Variants in GALNT14 observed in about 807,000 individuals in gnomAD.
GALNT14 encodes the protein UDP-GalNAc:polypeptide N-acetylgalactosaminyltransferase 14.
Under a neutral mutation model 77.5 loss-of-function variants are expected in GALNT14, and 60 were observed. That is an observed-to-expected ratio of 0.77 (90% CI 0.63 to 0.96). The LOEUF is 0.96. Ranked by LOEUF, GALNT14 falls within the 40% of genes least tolerant of loss-of-function variation. The pLI is 0.00. For missense variants in GALNT14, 710 were observed against 731.0 expected, an observed-to-expected ratio of 0.97 and a Z score of 0.33; for synonymous variants, 280 against 281.7, an observed-to-expected ratio of 0.99 and a Z score of 0.06.
At chr2:31,025,114 C>T (rs1175029454) in intron 1 of GALNT14, among the ~76,000 whole-genome samples, 1 of 152,220 alleles carries the variant, frequency 6.6e-6, no homozygotes, top group Non-Finnish European at 1.5e-5. Context: ...TAAGACTGAT[C>T]TGAGTACTTG....
chr2:30,992,730 T>C (rs1669782211), intron 2 of GALNT14, 108 bp downstream of exon 2: 1 of 1,288,634 alleles, frequency 7.8e-7, no homozygotes, highest in South Asian at 1.4e-5. Flanking sequence ...CAGCAGATGG[T>C]CCAGCCCGGT....
At chr2:31,038,241 C>T (rs1395013304) in intron 1 of GALNT14, among the ~76,000 whole-genome samples, 3 of 150,970 alleles carry the variant, frequency 2.0e-5, no homozygotes, top group African/African-American at 7.3e-5. Context: ...ATTACAGGCA[C>T]ATGCACCACG....
intron 1 of GALNT14, among the ~76,000 whole-genome samples, chr2:31,021,741 G>GC (rs1487159648): frequency 1.3e-5 from 2 of 152,176 alleles, no homozygotes. Flanking sequence ...GGCCCACAAA[G>GC]CCCATAGTAT....
intron 2 of GALNT14, among the ~76,000 whole-genome samples, chr2:30,981,831 C>T (rs550252229): frequency 2.0e-5 from 3 of 152,158 alleles, no homozygotes; most frequent in Middle Eastern, 3.2e-3. Flanking sequence ...TCTCATGTTA[C>T]GTGGGAGGAA....
chr2:31,078,828 G>A, intron 1 of GALNT14: 2 of 976,302 alleles, frequency 2.0e-6, no homozygotes, highest in African/African-American at 1.7e-5. Context: ...CAAGGGGCGA[G>A]ATATAGGCCT....
chr2:30,965,146 G>A (rs930183929), intron 3 of GALNT14, among the ~76,000 whole-genome samples: 3 of 152,074 alleles, frequency 2.0e-5, no homozygotes, highest in Admixed American at 6.5e-5. Flanking sequence ...CACCACCACT[G>A]GGACTAGCCT....
chr2:31,013,831 C>T (rs890133691), intron 1 of GALNT14, among the ~76,000 whole-genome samples: 7 of 152,302 alleles, frequency 4.6e-5, no homozygotes, highest in Non-Finnish European at 1.0e-4. Flanking sequence ...CAGTAGAGCA[C>T]TGAATCTATG....
chr2:31,030,063 T>C (rs1411066660), intron 1 of GALNT14, among the ~76,000 whole-genome samples: 2 of 152,230 alleles, frequency 1.3e-5, no homozygotes, highest in Non-Finnish European at 2.9e-5. Context: ...TATTTTCGTG[T>C]CTTCTAGACT....
At chr2:30,913,741 T>C (rs563600711) in intron 13 of GALNT14, among the ~76,000 whole-genome samples, 261 of 152,200 alleles carry the variant, frequency 1.7e-3, no homozygotes, top group African/African-American at 5.9e-3. Flanking sequence ...AAACTGTTGG[T>C]GTTGGGAGAA....
At chr2:31,044,266 C>G (rs1673284012) in intron 1 of GALNT14, among the ~76,000 whole-genome samples, 1 of 152,186 alleles carries the variant, frequency 6.6e-6, no homozygotes, top group Non-Finnish European at 1.5e-5. Flanking sequence ...CCCGGGCCAT[C>G]TCATTGTGTT....
At chr2:31,111,911 G>A (rs1037287890) in intron 1 of GALNT14, among the ~76,000 whole-genome samples, 6 of 151,368 alleles carry the variant, frequency 4.0e-5, no homozygotes, top group Non-Finnish European at 4.4e-5. Flanking sequence ...TCAGAAGTAC[G>A]GTCACCAACA....
chr2:30,902,133 C>T, the GALNT14 span, among the ~76,000 whole-genome samples: 124 of 152,310 alleles, frequency 8.1e-4, no homozygotes, highest in East Asian at 0.013. Flanking sequence ...CTCTGCTGCA[C>T]ACCTGCAGGC....
At chr2:30,901,838 C>T in the GALNT14 span, among the ~76,000 whole-genome samples, 1 of 152,128 alleles carries the variant, frequency 6.6e-6, no homozygotes, top group Non-Finnish European at 1.5e-5. Flanking sequence ...CCTCACCTGG[C>T]AGGATGGTGA....
At chr2:30,965,651 A>G (rs1667960296) in intron 3 of GALNT14, among the ~76,000 whole-genome samples, 1 of 152,216 alleles carries the variant, frequency 6.6e-6, no homozygotes. Flanking sequence ...GAGCAAGAAC[A>G]CGACCCAGAG....
intron 1 of GALNT14, among the ~76,000 whole-genome samples, chr2:31,017,219 T>C (rs1671424316): frequency 6.6e-6 from 1 of 152,200 alleles, no homozygotes; most frequent in South Asian, 2.1e-4. Flanking sequence ...AGATATGACT[T>C]GGCCCCTGGC....
intron 1 of GALNT14, among the ~76,000 whole-genome samples, chr2:31,130,145 G>A (rs760690088): frequency 2.0e-5 from 3 of 152,320 alleles, no homozygotes; most frequent in Non-Finnish European, 2.9e-5. Context: ...GCCTCATCTT[G>A]TCTCCAGGAA....
chr2:31,016,336 A>T (rs942039161), intron 1 of GALNT14, among the ~76,000 whole-genome samples: 2 of 152,054 alleles, frequency 1.3e-5, no homozygotes, highest in African/African-American at 4.8e-5. Flanking sequence ...AACCTTGATT[A>T]CCTCCTTATA....
Position 30,923,612 on chromosome 2 carries a change from A to G in GALNT14, c.1380+507T>C, listed in dbSNP as rs767176508. ...GGATGAAGAAGGATGCTGCCCAGAG[A>G]CAGGGTGGCAGACAGAGAGGGTTTT... is the stretch of plus-strand genomic sequence containing the variant. On this transcript the variant is annotated intron_variant, in intron 13 of 14. Coordinates refer to ENST00000349752, the MANE Select transcript of GALNT14 (RefSeq NM_024572.4). 6.2e-4 allele frequency among the ~76,000 whole-genome samples: 94 copies of G among 152,164 alleles called. 1 individual carries two copies. The highest frequency in any genetic ancestry group is 1.8e-4 in the Non-Finnish European group (12 of 68,038).
chr2:31,061,968 C>T (rs1277104449), intron 1 of GALNT14, among the ~76,000 whole-genome samples: 1 of 152,080 alleles, frequency 6.6e-6, no homozygotes, highest in African/African-American at 2.4e-5. Context: ...GTATTCATAC[C>T]CCGGCATTTA....
Sources: allele counts gnomAD v4.1 joint callset (sites outside exome capture counted in the v4.1 genomes callset), GRCh38; gene constraint gnomAD v4.1.1; transcripts MANE v1.5; gene names NCBI Gene and HGNC (gene_info 2026-07-23, HGNC 2026-07-21).